Variants in COL5A1 observed in about 807,000 individuals in gnomAD.
The protein encoded by COL5A1 is collagen type V alpha 1 chain.
A neutral mutation model predicts 263.7 loss-of-function variants in COL5A1; 16 were observed. The observed-to-expected ratio is 0.06, with a 90% CI of 0.04 to 0.09. COL5A1 has a LOEUF of 0.09. COL5A1 is among the 10% of genes least tolerant of loss of function. COL5A1 has a pLI of 1.00. For missense variants in COL5A1, 2,036 were observed against 2,540.5 expected (o/e 0.80, Z 4.27); for synonymous variants, 1,012 against 1,004.5 (o/e 1.01, Z -0.14).
intron 4 of COL5A1, among the ~76,000 whole-genome samples, chr9:134,711,278 G>A (rs1234213869): frequency 1.3e-5 from 2 of 152,086 alleles, no homozygotes; most frequent in Non-Finnish European, 2.9e-5. Flanking sequence ...GACGGTCCAG[G>A]TGGTCAGGCC....
In COL5A1 at chr9:134,641,998, G is replaced by C; in HGVS notation, c.-190G>C. 1 of 479,810 alleles carries C rather than the reference G, an allele frequency of 2.1e-6. No individual in the cohort carries two copies. The highest frequency in any genetic ancestry group is 3.3e-6 in the Non-Finnish European group (1 of 301,606). 29.7% of individuals were successfully genotyped at this position (479,810 alleles called of 1,614,324 possible). A position where few individuals can be genotyped will look rare whatever the true frequency, so the allele number is the denominator to read the frequency against. On this transcript the variant is annotated 5_prime_UTR_variant, in exon 1 of 66. Coordinates refer to ENST00000371817, the MANE Select transcript of COL5A1 (RefSeq NM_000093.5). ...CAAAGTCGAGCCCTCCCGCCCGTGGGCGAGCGCGCCAGCCGCCCCTTCCAG... is the reference window on the plus strand; with the variant it reads ...CAAAGTCGAGCCCTCCCGCCCGTGGCCGAGCGCGCCAGCCGCCCCTTCCAG...
intron 1 of COL5A1, among the ~76,000 whole-genome samples, chr9:134,676,530 A>C (rs1832688522): frequency 6.6e-6 from 1 of 152,240 alleles, no homozygotes; most frequent in African/African-American, 2.4e-5. Flanking sequence ...TGTAGGATTC[A>C]GCCCTAAAGG....
rs1489648115 is a variant in COL5A1, at chr9:134,716,176, T to C, written c.655-11090T>C. 1.3e-5 allele frequency among the ~76,000 whole-genome samples: 2 copies of C among 152,164 alleles called. No homozygotes were observed. ...GGGAGTGTTCTGGTGCAATCCCATTTAGTCCTCTGCTCTATGAGGTAGATC... is the reference window on the plus strand; with the variant it reads ...GGGAGTGTTCTGGTGCAATCCCATTCAGTCCTCTGCTCTATGAGGTAGATC... On this transcript the variant is annotated intron_variant, in intron 4 of 65. Transcript: ENST00000371817. The surrounding 1 kb of genome is among the most constrained non-coding windows in gnomAD (Gnocchi z 4.5).
At chr9:134,726,318 G>A (rs1329311066) in intron 4 of COL5A1, among the ~76,000 whole-genome samples, 1 of 152,050 alleles carries the variant, frequency 6.6e-6, no homozygotes, top group Non-Finnish European at 1.5e-5. Flanking sequence ...GTGGATGGGT[G>A]GAAGGATGAG....
intron 41 of COL5A1, among the ~76,000 whole-genome samples, chr9:134,805,545 C>T (rs2132828537): frequency 6.6e-6 from 1 of 152,226 alleles, no homozygotes; most frequent in South Asian, 2.1e-4. Flanking sequence ...TGGGCTGGGC[C>T]AGCAGGGGAA....
In COL5A1 at chr9:134,678,286, C is replaced by T. The variant is rs73665732; in HGVS notation, c.110-12626C>T. Among the ~76,000 whole-genome samples, 5,892 of 152,214 alleles carry T rather than the reference C, an allele frequency of 0.039. 253 individuals are homozygous for T. Among genetic ancestry groups the T allele is most frequent in the African/African-American group, 0.1 (4,347 of 41,534 alleles). On this transcript the variant is annotated intron_variant, in intron 1 of 65. Transcript: ENST00000371817. The surrounding 1 kb of genome is among the most constrained non-coding windows in gnomAD (Gnocchi z 5.5). ...TTTCCTCATGTACCAGTGAAGGGGC[C>T]GACACTGTGGGCCAAGTTGATGAAT...
chr9:134,838,177 G>A (rs1839909492), intron 65 of COL5A1, among the ~76,000 whole-genome samples: 2 of 152,180 alleles, frequency 1.3e-5, no homozygotes, highest in South Asian at 2.1e-4. Context: ...ATCAAGGCCC[G>A]ACGGCTCTCT....
chr9:134,662,007 G>A (rs1285611104), intron 1 of COL5A1, among the ~76,000 whole-genome samples: 1 of 152,126 alleles, frequency 6.6e-6, no homozygotes, highest in Non-Finnish European at 1.5e-5. Context: ...GCAGAGGCGG[G>A]AACCTGACTC....
intron 1 of COL5A1, among the ~76,000 whole-genome samples, chr9:134,684,253 G>T (rs1456932876): frequency 6.6e-6 from 1 of 152,142 alleles, no homozygotes; most frequent in Non-Finnish European, 1.5e-5. Context: ...TTAAGTTCCC[G>T]CTAAAAGCAG....
intron 38 of COL5A1, 129 bp from the exon 39 acceptor site, chr9:134,802,759 T>C (rs1301259700): frequency 1.4e-6 from 1 of 737,734 alleles, no homozygotes; most frequent in African/African-American, 1.7e-5. Context: ...CAAAGGCACT[T>C]GGAGGTTTGG....
At chr9:134,698,333 C>A (rs543971755) in intron 2 of COL5A1, among the ~76,000 whole-genome samples, 6 of 152,274 alleles carry the variant, frequency 3.9e-5, no homozygotes, top group Non-Finnish European at 8.8e-5. Context: ...CCGGCCACAG[C>A]TGGGCAGCCC....
chr9:134,702,185 C>T (rs934815053), intron 4 of COL5A1, among the ~76,000 whole-genome samples: 1 of 152,148 alleles, frequency 6.6e-6, no homozygotes, highest in Non-Finnish European at 1.5e-5. Flanking sequence ...AGCCAGGACC[C>T]CTCCACTGGG....
intron 1 of COL5A1, among the ~76,000 whole-genome samples, chr9:134,666,401 GA>G (rs1348732151): frequency 8.5e-5 from 13 of 152,326 alleles, no homozygotes; most frequent in African/African-American, 2.9e-4. Context: ...CTTCTCTGGA[GA>G]GTGGCTTTTG....
intron 1 of COL5A1, among the ~76,000 whole-genome samples, chr9:134,645,377 A>G (rs1171800397): frequency 6.6e-6 from 1 of 152,120 alleles, no homozygotes; most frequent in Non-Finnish European, 1.5e-5. Flanking sequence ...CTCCTGGGAG[A>G]TAGACCTTGA....
In COL5A1 at chr9:134,789,075, A is replaced by G. The variant is rs982289222; in HGVS notation, c.2647-80A>G. On this transcript the variant is annotated intron_variant, in intron 31 of 65. Transcript: ENST00000371817. This position sits in a 1 kb window ranked among gnomAD's most constrained non-coding sequence, Gnocchi z 4.8. ...GGGCAGAGGCTGTGCACTGGCATGC[A>G]GGTGGTCCCCCAGGCGGCCCATGCA... is the stretch of plus-strand genomic sequence containing the variant. 3.2e-6 allele frequency: 4 copies of G among 1,247,698 alleles called. No individual in the cohort carries two copies. Among genetic ancestry groups the G allele is most frequent in the Non-Finnish European group, 4.7e-6 (4 of 855,606 alleles). The allele number at this position is 1,247,698 out of a possible 1,614,324, so 77.3% of individuals were successfully genotyped here. A position where few individuals can be genotyped will look rare whatever the true frequency, so the allele number is the denominator to read the frequency against.
chr9:134,763,126 T>TGTGTGTGAGCATACATGCTTGC (rs1211147806), intron 19 of COL5A1, among the ~76,000 whole-genome samples: 5 of 152,160 alleles, frequency 3.3e-5, no homozygotes, highest in African/African-American at 1.2e-4. Context: ...GTAGGCAGGC[T>TGTGTGTGAGCATACATGCTTGC]GTGTGTGAGC....
chr9:134,812,776 G>A, intron 48 of COL5A1, 64 bp downstream of exon 48: 2 of 1,032,958 alleles, frequency 1.9e-6, no homozygotes, highest in Non-Finnish European at 2.9e-6. Context: ...GTGTGTGTCT[G>A]TGTGTGTGTG....
At chr9:134,826,897 C>G (rs897021598) in intron 63 of COL5A1, among the ~76,000 whole-genome samples, 5 of 152,108 alleles carry the variant, frequency 3.3e-5, no homozygotes, top group African/African-American at 1.2e-4. Flanking sequence ...CTGGCATGTG[C>G]ATGCATGTAG....
At chr9:134,728,856 G>A (rs1834756050) in intron 6 of COL5A1, 49 bp downstream of exon 6, 3 of 1,611,804 alleles carry the variant, frequency 1.9e-6, no homozygotes, top group Admixed American at 3.3e-5. Flanking sequence ...TCGAGGCCAT[G>A]GTGCAGGGGA....
Sources: gnomAD v4.1 joint callset for allele counts (sites outside exome capture counted in the v4.1 genomes callset) on GRCh38, gnomAD v4.1.1 for gene constraint, Gnocchi (gnomAD v3.1) non-coding constraint, MANE v1.5 for transcripts, NCBI Gene and HGNC (gene_info 2026-07-23, HGNC 2026-07-21) for gene names.